PHF12: variants seen among roughly 807,000 people sequenced by gnomAD.
PHF12 encodes the protein PHD finger protein 12.
In PHF12, 6 loss-of-function variants were observed where a neutral mutation model predicts 99.8. The ratio of observed to expected loss-of-function variants is 0.06; its 90% confidence interval spans 0.03 to 0.12. The LOEUF is 0.12. PHF12 is among the 10% of genes least tolerant of loss of function. The pLI is 1.00. For synonymous variants in PHF12, 480 were observed against 514.9 expected, an observed-to-expected ratio of 0.93 and a Z score of 0.92; for missense variants, 954 against 1,300.1, an observed-to-expected ratio of 0.73 and a Z score of 4.09.
At chr17:28,934,330 GAAGGT>G (rs2040467449) in intron 2 of PHF12, among the ~76,000 whole-genome samples, 1 of 152,188 alleles carries the variant, frequency 6.6e-6, no homozygotes, top group East Asian at 1.9e-4. Flanking sequence ...TTTGGTACCT[GAAGGT>G]GACATGCGAT....
rs1240126853 is a variant in PHF12 at position 28,951,211 on chromosome 17, G to A, written c.-251C>T. 7.3e-6 allele frequency: 10 copies of A among 1,365,558 alleles called. No homozygotes were observed. The highest frequency in any genetic ancestry group is 5.9e-5 in the East Asian group (2 of 34,024). 84.6% of individuals were successfully genotyped at this position (1,365,558 alleles called of 1,614,324 possible). A position where few individuals can be genotyped will look rare whatever the true frequency, so the allele number is the denominator to read the frequency against. On this transcript the variant is annotated 5_prime_UTR_variant, in exon 1 of 15. Coordinates refer to ENST00000332830, the MANE Select transcript of PHF12 (RefSeq NM_001033561.2). ...GGCTGCTGGCTGCACAGTGGGTCCCGGCTCCGGGGGTCAGGCCTCGGCGGG... is the reference window on the plus strand; with the variant it reads ...GGCTGCTGGCTGCACAGTGGGTCCCAGCTCCGGGGGTCAGGCCTCGGCGGG...
intron 9 of PHF12, 94 bp downstream of exon 9, chr17:28,912,388 A>T: frequency 6.8e-7 from 1 of 1,476,126 alleles, no homozygotes. Context: ...AAGTCCTCTG[A>T]AGTATTCACA....
At chr17:28,907,307 C>A in intron 13 of PHF12, 1 of 529,334 alleles carries the variant, frequency 1.9e-6, no homozygotes, top group Non-Finnish European at 3.4e-6. Context: ...GCTTGGCTTC[C>A]TTCTATGCTG....
chr17:28,944,765 G>A (rs1321546067), intron 2 of PHF12: 5 of 152,654 alleles, frequency 3.3e-5, no homozygotes, highest in African/African-American at 9.6e-5. Context: ...TTTGTTTACT[G>A]TAGAATCATT....
At chr17:28,940,655 G>C (rs1036457269) in intron 2 of PHF12, among the ~76,000 whole-genome samples, 1 of 152,168 alleles carries the variant, frequency 6.6e-6, no homozygotes, top group African/African-American at 2.4e-5. Context: ...AATAACCTTA[G>C]GCTTAAAGGA....
Position 28,950,565 on chromosome 17 carries a change from G to T in PHF12, c.67-319C>A. On this transcript the variant is annotated intron_variant, in intron 1 of 14. Transcript: ENST00000332830. This position sits in a 1 kb window ranked among gnomAD's most constrained non-coding sequence, Gnocchi z 5.7. ...GGACTCCAAAGACCCGCTCGGGAGAGGCCCAAAGCCCGGTACCCGGACGTG... is the reference window on the plus strand; with the variant it reads ...GGACTCCAAAGACCCGCTCGGGAGATGCCCAAAGCCCGGTACCCGGACGTG... 1.9e-6 allele frequency: 1 copy of T among 517,750 alleles called. No homozygotes were observed. Among genetic ancestry groups the T allele is most frequent in the Non-Finnish European group, 3.4e-6 (1 of 293,332 alleles). The allele number at this position is 517,750 out of a possible 1,614,324, so 32.1% of individuals were successfully genotyped here.
At chr17:28,936,132 T>C (rs1246300318) in intron 2 of PHF12, among the ~76,000 whole-genome samples, 9 of 152,376 alleles carry the variant, frequency 5.9e-5, no homozygotes, top group Admixed American at 4.6e-4. Flanking sequence ...TTTCAAGTCA[T>C]ATACCAGTGT....
chr17:28,909,981 C>A, intron 11 of PHF12: 1 of 660,220 alleles, frequency 1.5e-6, no homozygotes, highest in South Asian at 1.7e-5. Flanking sequence ...TTTGCTGTGT[C>A]TCGAAGTGGA....
chr17:28,928,777 A>AAAAC (rs112582212), intron 2 of PHF12, among the ~76,000 whole-genome samples: 2,533 of 151,792 alleles, frequency 0.017, 61 homozygotes, highest in African/African-American at 0.056. Context: ...ACTCCATCTC[A>AAAAC]AAACAAACAA....
rs114096067 is a variant in PHF12, at chr17:28,948,341, T to G, written c.248+1724A>C. 5.0e-3 allele frequency among the ~76,000 whole-genome samples: 757 copies of G among 152,312 alleles called. 10 individuals are homozygous for G. Among genetic ancestry groups the G allele is most frequent in the African/African-American group, 0.017 (709 of 41,550 alleles). ...AACTGGTAAGCAACACAACGTATAT[T>G]CAGGCACAAATTTCTCCTAAGAATA... On this transcript the variant is annotated intron_variant, in intron 2 of 14. Transcript: ENST00000332830.
chr17:28,949,914 C>T lies in PHF12; in HGVS notation c.248+151G>A. The T allele has an allele frequency of 1.1e-6, 1 of 881,822 alleles. No individual in the cohort carries two copies. The highest frequency in any genetic ancestry group is 1.7e-5 in the African/African-American group (1 of 58,682). 54.6% of individuals were successfully genotyped at this position (881,822 alleles called of 1,614,324 possible). Reference sequence around the variant, plus strand: ...TAAACTGCCAGAACCCGGCGGACACCTGGGGGCGGGGAGGTGCTCGCCCCG... The same window carrying T: ...TAAACTGCCAGAACCCGGCGGACACTTGGGGGCGGGGAGGTGCTCGCCCCG... On this transcript the variant is annotated intron_variant, in intron 2 of 14. Coordinates refer to ENST00000332830, the MANE Select transcript of PHF12 (RefSeq NM_001033561.2). This position sits in a 1 kb window ranked among gnomAD's most constrained non-coding sequence, Gnocchi z 4.6.
rs2040769569 is a variant in PHF12 at position 28,949,386 on chromosome 17, G to A, written c.248+679C>T. 6.6e-6 allele frequency among the ~76,000 whole-genome samples: 1 copy of A among 152,330 alleles called. No homozygotes were observed. The highest frequency in any genetic ancestry group is 1.5e-5 in the Non-Finnish European group (1 of 68,016). ...GCGGAGGCAGAGAAAGGGGATCAAA[G>A]CGGCGAGATCCCAGACGGGGCCCCC... On this transcript the variant is annotated intron_variant, in intron 2 of 14. Transcript: ENST00000332830. The surrounding 1 kb of genome is among the most constrained non-coding windows in gnomAD (Gnocchi z 4.6).
chr17:28,922,501 T>C (rs2040184288), intron 4 of PHF12, among the ~76,000 whole-genome samples: 1 of 152,112 alleles, frequency 6.6e-6, no homozygotes, highest in African/African-American at 2.4e-5. Flanking sequence ...AGCTTTACAG[T>C]ATCAAGAAGC....
Position 28,912,693 on chromosome 17 carries a change from A to C in PHF12, c.1878T>G (p.Pro626=), listed in dbSNP as rs762169814. 8.1e-6 allele frequency: 13 copies of C among 1,614,162 alleles called. 1 individual carries two copies. The South Asian group carries it at 1.4e-4, about 18-fold the overall frequency. ...RSLVPVPSLP[P]SIPSSCASIE... The stretch of plus-strand genomic sequence containing the variant: ...TGCTGGCACAAGAGCTGGGAATGGA[A>C]GGGGGCAGGCTTGGGACAGGAACCA... The change falls in exon 9 of 15, where the codon CCT becomes CCG. Residue 626 remains proline, a synonymous_variant. Transcript: ENST00000332830.
At chr17:28,935,818 C>A (rs539720936) in intron 2 of PHF12, among the ~76,000 whole-genome samples, 17 of 152,266 alleles carry the variant, frequency 1.1e-4, no homozygotes, top group Non-Finnish European at 1.9e-4. Context: ...CTCCCATAAA[C>A]AAATCCAAAT....
At chr17:28,948,000 GT>G (rs1389633513) in intron 2 of PHF12, among the ~76,000 whole-genome samples, 2 of 152,068 alleles carry the variant, frequency 1.3e-5, no homozygotes, top group Non-Finnish European at 2.9e-5. Context: ...ACTGTTAATT[GT>G]TACAACTTGA....
rs913794370 is a variant in PHF12, at chr17:28,912,034, T to C, written c.2089+448A>G. On this transcript the variant is annotated intron_variant, in intron 9 of 14. Transcript: ENST00000332830. ...ACATGGAAGTTCATCAGATTAACTC[T>C]TTCTGAGAATATGCATCAGGCATGA... is the stretch of plus-strand genomic sequence containing the variant. 5.3e-6 allele frequency: 5 copies of C among 945,218 alleles called. No homozygotes were observed. The African/African-American group carries it at 8.9e-5, about 17-fold the overall frequency. 58.6% of individuals were successfully genotyped at this position (945,218 alleles called of 1,614,324 possible).
intron 2 of PHF12, among the ~76,000 whole-genome samples, chr17:28,935,248 A>G (rs1297753696): frequency 6.6e-6 from 1 of 152,102 alleles, no homozygotes; most frequent in African/African-American, 2.4e-5. Flanking sequence ...CACTGCTTTT[A>G]CAACTCACTA....
intron 2 of PHF12, chr17:28,944,434 A>C (rs895732354): frequency 1.1e-6 from 1 of 889,344 alleles, no homozygotes; most frequent in East Asian, 1.2e-4. Flanking sequence ...CACTCATTTC[A>C]TAACAATTAG....
Sources: gnomAD v4.1 joint callset for allele counts (sites outside exome capture counted in the v4.1 genomes callset) on GRCh38, gnomAD v4.1.1 for gene constraint, Gnocchi (gnomAD v3.1) non-coding constraint, MANE v1.5 for transcripts, NCBI Gene and HGNC (gene_info 2026-07-23, HGNC 2026-07-21) for gene names.